Variants in PINK1 observed in about 807,000 individuals in gnomAD.
PINK1 encodes serine/threonine-protein kinase PINK1, mitochondrial.
In PINK1, 58 loss-of-function variants were observed where a neutral mutation model predicts 56.0. The observed-to-expected ratio is 1.04, with a 90% CI of 0.84 to 1.29. The LOEUF is 1.29. Ranked by LOEUF, PINK1 falls within the 50% of genes most tolerant of loss-of-function variation. The probability of loss-of-function intolerance (pLI) is 0.00; values close to 1 mark genes in which losing one functional copy is unlikely to be tolerated. For missense variants in PINK1, 745 were observed against 777.9 expected, an observed-to-expected ratio of 0.96 and a Z score of 0.50; for synonymous variants, 354 against 339.3, an observed-to-expected ratio of 1.04 and a Z score of -0.48.
chr1:20,646,332 T>A (rs1414313382), intron 5 of PINK1, among the ~76,000 whole-genome samples: 1 of 151,858 alleles, frequency 6.6e-6, no homozygotes, highest in Non-Finnish European at 1.5e-5. Flanking sequence ...AAAAGAGAAG[T>A]AGACTTTAGC....
intron 1 of PINK1, among the ~76,000 whole-genome samples, chr1:20,634,762 G>T (rs2053039858): frequency 6.6e-6 from 1 of 152,208 alleles, no homozygotes; most frequent in African/African-American, 2.4e-5. Flanking sequence ...TCTTCTTCCA[G>T]GGAGGTCACT....
rs2053219977 is a variant in PINK1, at chr1:20,648,761, C to T, written c.1251+129C>T. Reference sequence around the variant, plus strand: ...CTGACCCATAATTTGGCACAAGTTCCTTCCCTGCCACTTTGCTTTCCTCCG... The same window carrying T: ...CTGACCCATAATTTGGCACAAGTTCTTTCCCTGCCACTTTGCTTTCCTCCG... On this transcript the variant is annotated intron_variant, in intron 6 of 7. Coordinates refer to ENST00000321556, the MANE Select transcript of PINK1 (RefSeq NM_032409.3). The T allele has an allele frequency of 2.7e-6, 4 of 1,482,410 alleles. No homozygotes were observed. The African/African-American group carries it at 4.2e-5, about 15-fold the overall frequency. 91.8% of individuals were successfully genotyped at this position (1,482,410 alleles called of 1,614,324 possible).
intron 4 of PINK1, among the ~76,000 whole-genome samples, chr1:20,645,076 C>G (rs1366382249): frequency 1.3e-5 from 2 of 152,174 alleles, no homozygotes; most frequent in Non-Finnish European, 2.9e-5. Flanking sequence ...GGAGCCCCAA[C>G]TCTTACTTCC....
At chr1:20,633,991 G>T in intron 1 of PINK1, 56 bp downstream of exon 1, 1 of 1,519,820 alleles carries the variant, frequency 6.6e-7, no homozygotes. Context: ...GCGGGGGCGG[G>T]TCCTCAGCTG....
rs1001538071 is a variant in PINK1, at chr1:20,645,752, T to A, written c.1123+29T>A. 9 of 1,612,984 alleles carry A rather than the reference T, an allele frequency of 5.6e-6. No individual in the cohort carries two copies. In the Admixed American group the frequency reaches 1.0e-4, roughly 18 times the overall value. ...GGAACCTGCTGCACCATCAGAGCTC[T>A]CCAGGGGCACTAGAGGGTGGGTCAG... On this transcript the variant is annotated intron_variant, in intron 5 of 7. Coordinates refer to ENST00000321556, the MANE Select transcript of PINK1 (RefSeq NM_032409.3).
chr1:20,647,466 CTTTT>C (rs34054663), intron 5 of PINK1, among the ~76,000 whole-genome samples: 1 of 73,202 alleles, frequency 1.4e-5, no homozygotes. Context: ...TGGGAGTTGG[CTTTT>C]TTTTTTTTTT....
chr1:20,647,036 C>G (rs6662932), intron 5 of PINK1, among the ~76,000 whole-genome samples: 80,384 of 147,748 alleles, frequency 0.54, 22,338 homozygotes, highest in Middle Eastern at 0.69. Flanking sequence ...GGTGCCACCA[C>G]GCCTAGCTAA....
chr1:20,644,506 C>A lies in PINK1; in HGVS notation c.793C>A (p.Pro265Thr), dbSNP rs757969881. The change falls in exon 4 of 8, where the codon CCC (proline) becomes ACC (threonine). Residue 265 changes from proline to threonine, a missense_variant. Transcript: ENST00000321556. ...GCTGACTAGAAAATCCAAGAGAGGT[C>A]CCAAGCAACTAGCCCCTCACCCCAA... ...AVTYRKSKRG[P>T]KQLAPHPNII... The A allele has an allele frequency of 6.2e-7, 1 of 1,614,200 alleles. No homozygotes were observed. Among genetic ancestry groups the A allele is most frequent in the South Asian group, 1.1e-5 (1 of 91,080 alleles).
chr1:20,648,717 C>G (rs2053219468), intron 6 of PINK1, 85 bp downstream of exon 6: 1 of 1,573,434 alleles, frequency 6.4e-7, no homozygotes, highest in Non-Finnish European at 8.6e-7. Flanking sequence ...CTTGTGATAA[C>G]CCAACACCTC....
At chr1:20,650,209 C>G (rs2053248298) in intron 7 of PINK1, 4 of 614,386 alleles carry the variant, frequency 6.5e-6, no homozygotes, top group Non-Finnish European at 1.2e-5. Flanking sequence ...AAGGCTATTT[C>G]AACAATGCAT....
chr1:20,643,967 T>C (rs1173431995), intron 3 of PINK1, among the ~76,000 whole-genome samples: 1 of 104,234 alleles, frequency 9.6e-6, no homozygotes, highest in Non-Finnish European at 2.2e-5. Flanking sequence ...CAGTAAAAAA[T>C]TAAAGATAAC....
In PINK1 at chr1:20,650,745, G is replaced by A. The variant is rs142119718; in HGVS notation, c.*54G>A. The A allele has an allele frequency of 1.3e-4, 201 of 1,585,434 alleles. 1 individual carries two copies. The highest frequency in any genetic ancestry group is 7.7e-4 in the Admixed American group (44 of 57,256). On this transcript the variant is annotated 3_prime_UTR_variant, in exon 8 of 8. Transcript: ENST00000321556. ...AAAAGAACATGGCATCCTCTGTGTCGTGATGGTCTGTGAATGGTGAGGGTG... is the reference window on the plus strand; with the variant it reads ...AAAAGAACATGGCATCCTCTGTGTCATGATGGTCTGTGAATGGTGAGGGTG...
At position 20,641,359 on chromosome 1, in the gene PINK1, G is replaced by A. The variant is rs1052149085; in HGVS notation, c.776+1367G>A. Among the ~76,000 whole-genome samples, 6 of 152,114 alleles carry A rather than the reference G, an allele frequency of 3.9e-5. No homozygotes were observed. Among genetic ancestry groups the A allele is most frequent in the Admixed American group, 3.3e-4 (5 of 15,268 alleles). On this transcript the variant is annotated intron_variant, in intron 3 of 7. Transcript: ENST00000321556. This position sits in a 1 kb window ranked among gnomAD's most constrained non-coding sequence, Gnocchi z 4.0. ...TTTGTGGCATGAGTGGCAGCCGGCC[G>A]ACGTGGTGCTGTCCTGCTGCCGGAG...
intron 7 of PINK1, chr1:20,650,205 A>G (rs2053248261): frequency 5.0e-6 from 3 of 602,562 alleles, no homozygotes; most frequent in East Asian, 5.8e-5. Context: ...GGGAAAGGCT[A>G]TTTCAACAAT....
At position 20,638,425 on chromosome 1, in the gene PINK1, G is replaced by A. The variant is rs533810902; in HGVS notation, c.675+296G>A. The A allele has an allele frequency of 2.2e-4, 88 of 405,332 alleles. 1 individual carries two copies. Among genetic ancestry groups the A allele is most frequent in the African/African-American group, 1.6e-3 (78 of 49,478 alleles). The allele number at this position is 405,332 out of a possible 1,614,324, so 25.1% of individuals were successfully genotyped here. The stretch of plus-strand genomic sequence containing the variant: ...GGAGGCCAATCACTTGAGCTCAGGA[G>A]TTTGAGACCAGCCTGGGCAACATGA... On this transcript the variant is annotated intron_variant, in intron 2 of 7. Transcript: ENST00000321556.
chr1:20,639,403 A>G (rs2053090899), intron 2 of PINK1: 2 of 249,992 alleles, frequency 8.0e-6, no homozygotes, highest in African/African-American at 2.2e-5. Context: ...AATGAGGACA[A>G]TAAGGTGCTT....
intron 1 of PINK1, among the ~76,000 whole-genome samples, chr1:20,634,253 C>T (rs1304611072): frequency 3.9e-5 from 6 of 152,166 alleles, no homozygotes. Context: ...ACATTCCTAT[C>T]CCTTTGAGGT....
At chr1:20,646,648 A>AAAGT (rs1553146644) in intron 5 of PINK1, among the ~76,000 whole-genome samples, 1 of 151,094 alleles carries the variant, frequency 6.6e-6, no homozygotes, top group Non-Finnish European at 1.5e-5. Flanking sequence ...ATCTCAAAAT[A>AAAGT]AATTAATTAA....
At chr1:20,638,180 CT>C in intron 2 of PINK1, 51 bp downstream of exon 2, 1 of 1,579,992 alleles carries the variant, frequency 6.3e-7, no homozygotes, top group Non-Finnish European at 8.6e-7. Context: ...AAATGCCCAT[CT>C]TAGTGGGCCT....
Sources: gnomAD v4.1 joint callset for allele counts (sites outside exome capture counted in the v4.1 genomes callset) on GRCh38, gnomAD v4.1.1 for gene constraint, Gnocchi (gnomAD v3.1) non-coding constraint, MANE v1.5 for transcripts, NCBI Gene and HGNC (gene_info 2026-07-23, HGNC 2026-07-21) for gene names.